Variants in TRAPPC10 observed in about 807,000 individuals in gnomAD.
TRAPPC10 encodes TRAPP 130 kDa subunit.
TRAPPC10 carries 23 observed loss-of-function variants against 125.5 expected under a neutral mutation model. The ratio of observed to expected loss-of-function variants is 0.18; its 90% CI spans 0.13 to 0.26. TRAPPC10 has a LOEUF of 0.26. Ranked by LOEUF, TRAPPC10 falls within the 10% of genes least tolerant of loss-of-function variation. The pLI is 1.00. For synonymous variants in TRAPPC10, 509 were observed against 518.0 expected (o/e 0.98, Z 0.24); for missense variants, 1,123 against 1,308.4 (o/e 0.86, Z 2.19).
intron 2 of TRAPPC10, among the ~76,000 whole-genome samples, chr21:44,034,378 T>C (rs1412647134): frequency 7.4e-6 from 1 of 135,030 alleles, no homozygotes; most frequent in African/African-American, 2.7e-5. Flanking sequence ...GGAAAGTCTT[T>C]CTGTGGACAG....
At position 44,086,815 on chromosome 21, in the gene TRAPPC10, A is replaced by G. The variant is rs745713809; in HGVS notation, c.2394A>G (p.Ala798=). Residue 798 remains alanine, a synonymous_variant, in exon 16 of 23, where the codon GCA becomes GCG. Coordinates refer to ENST00000291574, the MANE Select transcript of TRAPPC10 (RefSeq NM_003274.5). ...CTTTTCCTTTAGATAGCCTTCTGGC[A>G]GGCATTCCTCAGAGAGTCAAGTTCA... ...HVEPLADSLL[A]GIPQRVKFTV... 6.2e-7 allele frequency: 1 copy of G among 1,614,192 alleles called. No homozygotes were observed. Among genetic ancestry groups the G allele is most frequent in the Non-Finnish European group, 8.5e-7 (1 of 1,180,018 alleles).
chr21:44,065,074 T>A (rs778217742), intron 7 of TRAPPC10, among the ~76,000 whole-genome samples: 8 of 152,134 alleles, frequency 5.3e-5, no homozygotes, highest in Non-Finnish European at 1.0e-4. Flanking sequence ...CACCTGATGT[T>A]GAGATTTTTG....
At chr21:44,024,734 T>C (rs1020220391) in intron 1 of TRAPPC10, among the ~76,000 whole-genome samples, 1 of 152,186 alleles carries the variant, frequency 6.6e-6, no homozygotes. Context: ...AAAAATCTAA[T>C]TGCTTTATAA....
intron 1 of TRAPPC10, among the ~76,000 whole-genome samples, chr21:44,028,346 C>T (rs1250872719): frequency 6.6e-6 from 1 of 152,226 alleles, no homozygotes; most frequent in African/African-American, 2.4e-5. Context: ...ACTGGGCTTT[C>T]CTCAGCCTGG....
chr21:44,061,872 A>G (rs1282983469), intron 6 of TRAPPC10, among the ~76,000 whole-genome samples: 1 of 152,244 alleles, frequency 6.6e-6, no homozygotes, highest in Non-Finnish European at 1.5e-5. Context: ...GAGCTTTAAA[A>G]GCTGCGTTTA....
At chr21:44,079,895 TA>T (rs370863418) in intron 12 of TRAPPC10, 119 bp from the exon 13 acceptor site, 67,598 of 743,148 alleles carry the variant, frequency 0.091, 11 homozygotes, top group South Asian at 0.15. Context: ...CCTAGTAACT[TA>T]AAAAAAAAAA....
chr21:44,045,933 T>C lies in TRAPPC10; in HGVS notation c.286-6347T>C, dbSNP rs1045453269. 2.6e-5 allele frequency among the ~76,000 whole-genome samples: 4 copies of C among 152,196 alleles called. No homozygotes were observed. In the East Asian group the frequency reaches 5.8e-4, roughly 22 times the overall value. On this transcript the variant is annotated intron_variant, in intron 3 of 22. Coordinates refer to ENST00000291574, the MANE Select transcript of TRAPPC10 (RefSeq NM_003274.5). ...GGTGTAGATTTCTTAATATTTCTTG[T>C]ACTTGGGGTTTGGGGGTTTATTTTT...
Position 44,015,856 on chromosome 21 carries a change from T to C in TRAPPC10, c.67+3296T>C, listed in dbSNP as rs192035786. 5.8e-4 allele frequency among the ~76,000 whole-genome samples: 88 copies of C among 152,004 alleles called. 2 individuals are homozygous for C. The highest frequency in any genetic ancestry group is 2.5e-3 in the Admixed American group (38 of 15,278). Reference sequence around the variant, plus strand: ...CTAGAACTCCTGACCTCAGGTGACCTGCCCGCCTCGGCCTCCCAAAGTGCT... The same window carrying C: ...CTAGAACTCCTGACCTCAGGTGACCCGCCCGCCTCGGCCTCCCAAAGTGCT... On this transcript the variant is annotated intron_variant, in intron 1 of 22. Transcript: ENST00000291574.
intron 18 of TRAPPC10, among the ~76,000 whole-genome samples, chr21:44,090,668 C>T (rs1263478824): frequency 6.6e-6 from 1 of 152,144 alleles, no homozygotes; most frequent in East Asian, 1.9e-4. Context: ...AGGTGTCCTA[C>T]CTTAGTGACG....
intron 7 of TRAPPC10, among the ~76,000 whole-genome samples, chr21:44,071,638 G>C (rs967787715): frequency 2.6e-5 from 4 of 152,220 alleles, no homozygotes; most frequent in Non-Finnish European, 1.5e-5. Context: ...CGGCACTGCA[G>C]AAAGGGTTGT....
intron 5 of TRAPPC10, among the ~76,000 whole-genome samples, chr21:44,056,439 C>T (rs1239286767): frequency 1.3e-5 from 2 of 152,088 alleles, no homozygotes; most frequent in African/African-American, 4.8e-5. Context: ...AGATGTCTGT[C>T]AGCTACTGAG....
chr21:44,080,963 T>C (rs1247735726), intron 13 of TRAPPC10, among the ~76,000 whole-genome samples: 4 of 151,678 alleles, frequency 2.6e-5, no homozygotes, highest in Admixed American at 1.3e-4. Context: ...TTAGTCTGTT[T>C]CAGGAATATG....
At chr21:44,067,492 T>G (rs1362507419) in intron 7 of TRAPPC10, among the ~76,000 whole-genome samples, 2 of 152,046 alleles carry the variant, frequency 1.3e-5, no homozygotes, top group African/African-American at 4.8e-5. Context: ...GTGAGAGCTG[T>G]TGCTGAAGAA....
rs769893701 is a variant in TRAPPC10, at chr21:44,059,207, G to A, written c.783G>A (p.Gly261=). 1.2e-5 allele frequency: 20 copies of A among 1,604,274 alleles called. 1 individual carries two copies. The African/African-American group carries it at 2.3e-4, about 18-fold the overall frequency. Residue 261 remains glycine (G), a synonymous_variant, in exon 6 of 23, where the codon GGG becomes GGA. Transcript: ENST00000291574. This position sits in a 1 kb window ranked among gnomAD's most constrained non-coding sequence, Gnocchi z 4.4. Reference sequence around the variant, plus strand: ...TCTCTCAGTATGTGGTCAACTTCGGGGCCGGGGGTGAGTAGTGGCACTTCA... The same window carrying A: ...TCTCTCAGTATGTGGTCAACTTCGGAGCCGGGGGTGAGTAGTGGCACTTCA... ...ALFSQYVVNF[G]AGDGANWLTF...
chr21:44,029,260 A>AATTTTTTGT (rs2033361543), intron 1 of TRAPPC10, among the ~76,000 whole-genome samples: 1 of 151,954 alleles, frequency 6.6e-6, no homozygotes, highest in Non-Finnish European at 1.5e-5. Context: ...ACACCCAGCT[A>AATTTTTTGT]ATTTTTTGTA....
chr21:44,081,046 T>A (rs2037700985), intron 13 of TRAPPC10, among the ~76,000 whole-genome samples: 1 of 148,506 alleles, frequency 6.7e-6, no homozygotes, highest in African/African-American at 2.5e-5. Context: ...TTGACTATCT[T>A]GCTCTCTTGC....
At chr21:44,080,915 T>C (rs2037660880) in intron 13 of TRAPPC10, among the ~76,000 whole-genome samples, 1 of 151,648 alleles carries the variant, frequency 6.6e-6, no homozygotes, top group African/African-American at 2.4e-5. Context: ...TCACAAACCA[T>C]GTAATTCACT....
Position 44,083,285 on chromosome 21 carries a change from A to C in TRAPPC10, c.2221A>C (p.Ile741Leu). The change falls in exon 14 of 23, where the codon ATA becomes CTA. Residue 741 changes from isoleucine (I) to leucine (L), a missense_variant. Physicochemically the swap from Ile to Leu is conservative, Grantham distance 5. This residue lies in a region of TRAPPC10 where 840 missense variants were observed against 902.0 expected (regional missense o/e 0.93). Coordinates refer to ENST00000291574, the MANE Select transcript of TRAPPC10 (RefSeq NM_003274.5). ...HVTLEPGANQ[I>L]TFRTQAKEPG... ...GACCCTGGAACCAGGGGCCAACCAG[A>C]TAACATTCAGGACTCAGGTATGCGT... is the stretch of plus-strand genomic sequence containing the variant. The C allele has an allele frequency of 1.2e-6, 2 of 1,613,880 alleles. No individual in the cohort carries two copies. The highest frequency in any genetic ancestry group is 1.7e-6 in the Non-Finnish European group (2 of 1,179,896).
At chr21:44,032,470 C>T (rs111307912) in intron 2 of TRAPPC10, among the ~76,000 whole-genome samples, 1 of 150,630 alleles carries the variant, frequency 6.6e-6, no homozygotes, top group African/African-American at 2.5e-5. Context: ...GCAACCTCCA[C>T]CTCCTGGGTT....
Sources: allele counts gnomAD v4.1 joint callset (sites outside exome capture counted in the v4.1 genomes callset), GRCh38; gene constraint gnomAD v4.1.1; regional missense constraint gnomAD v4.1.1; non-coding constraint Gnocchi (gnomAD v3.1); transcripts MANE v1.5; gene names NCBI Gene and HGNC (gene_info 2026-07-23, HGNC 2026-07-21).